The following GTF2I variants were observed in gnomAD, a reference collection of about 807,000 sequenced individuals.
GTF2I encodes the protein general transcription factor IIi, also known as general transcription factor II-I.
A neutral mutation model predicts 67.6 loss-of-function variants in GTF2I; 12 were observed. The ratio of observed to expected loss-of-function variants is 0.18; its 90% CI spans 0.11 to 0.29. The LOEUF (loss-of-function observed/expected upper bound fraction) is 0.29. Ranked by LOEUF, GTF2I falls within the 10% of genes least tolerant of loss-of-function variation. The pLI, the probability that GTF2I is intolerant of heterozygous loss-of-function variation, is 1.00. For missense variants in GTF2I, 271 were observed against 580.1 expected (o/e 0.47, Z 5.47); for synonymous variants, 149 against 197.0 (o/e 0.76, Z 2.04).
At chr7:74,661,239 G>C (rs1057254695) in intron 1 of GTF2I, among the ~76,000 whole-genome samples, 13 of 152,196 alleles carry the variant, frequency 8.5e-5, no homozygotes, top group African/African-American at 2.7e-4. Flanking sequence ...GCAGGTCTGG[G>C]GAGTTGCCCC....
chr7:74,713,377 A>C (rs1554402957), intron 9 of GTF2I, among the ~76,000 whole-genome samples: 1 of 152,204 alleles, frequency 6.6e-6, no homozygotes, highest in African/African-American at 2.4e-5. Flanking sequence ...GTCATGTGGG[A>C]GATTTTAACC....
At chr7:74,717,411 A>G (rs1584261247) in intron 11 of GTF2I, among the ~76,000 whole-genome samples, 1 of 152,184 alleles carries the variant, frequency 6.6e-6, no homozygotes, top group Non-Finnish European at 1.5e-5. Flanking sequence ...TGTACTCACA[A>G]CTACTCCATA....
chr7:74,673,126 C>T (rs587673845), intron 1 of GTF2I, among the ~76,000 whole-genome samples: 161 of 152,258 alleles, frequency 1.1e-3, no homozygotes, highest in African/African-American at 3.8e-3. Flanking sequence ...TCCCAAAGTG[C>T]TGGGATTACA....
chr7:74,697,845 T>G (rs1007836294), intron 3 of GTF2I, among the ~76,000 whole-genome samples: 14 of 152,194 alleles, frequency 9.2e-5, no homozygotes, highest in Non-Finnish European at 1.9e-4. Flanking sequence ...CTTGGCTCAC[T>G]GCACCCTCCA....
At chr7:74,696,415 C>T (rs1554398367) in intron 3 of GTF2I, among the ~76,000 whole-genome samples, 1 of 152,104 alleles carries the variant, frequency 6.6e-6, no homozygotes, top group Non-Finnish European at 1.5e-5. Flanking sequence ...CAACTTCTGC[C>T]TCCCAGGTTC....
At position 74,700,628 on chromosome 7, in the gene GTF2I, C is replaced by G. The variant is rs782702015; in HGVS notation, c.580C>G (p.His194Asp). ...IKRPFLEPKK[H>D]VGGRVMVTDA... ...CAGACCTTTTTTAGAGCCAAAGAAG[C>G]ATGTAGGTAAGTAAGTGCTTTGCTT... Residue 194 changes from histidine to aspartate, a missense_variant, in exon 6 of 35, where the codon CAT becomes GAT. Coordinates refer to ENST00000573035, the MANE Select transcript of GTF2I (RefSeq NM_032999.4). 1.9e-6 allele frequency: 3 copies of G among 1,613,962 alleles called. 1 individual carries two copies. In the South Asian group the frequency reaches 3.3e-5, roughly 18 times the overall value.
At chr7:74,686,824 T>G (rs1787781308) in intron 1 of GTF2I, among the ~76,000 whole-genome samples, 2 of 152,128 alleles carry the variant, frequency 1.3e-5, no homozygotes, top group Non-Finnish European at 2.9e-5. Flanking sequence ...CAGGGACCCT[T>G]GTGTTGGGAA....
At chr7:74,702,661 T>C (rs1265897872) in intron 6 of GTF2I, among the ~76,000 whole-genome samples, 1 of 152,156 alleles carries the variant, frequency 6.6e-6, no homozygotes, top group Non-Finnish European at 1.5e-5. Context: ...AGATGTGAAG[T>C]GGTATCTAAT....
At chr7:74,731,039 T>C (rs1554406608) in intron 14 of GTF2I, among the ~76,000 whole-genome samples, 1 of 149,960 alleles carries the variant, frequency 6.7e-6, no homozygotes, top group Non-Finnish European at 1.5e-5. Flanking sequence ...ACTGAGTTGA[T>C]GCTAGATTTC....
At chr7:74,686,054 A>C (rs1174876903) in intron 1 of GTF2I, among the ~76,000 whole-genome samples, 2 of 152,206 alleles carry the variant, frequency 1.3e-5, no homozygotes, top group Non-Finnish European at 2.9e-5. Context: ...ACTTGGTCGC[A>C]GTCAGTCTGG....
In GTF2I at chr7:74,658,006, G is replaced by GCCCACACTCGCCT. The variant is rs1554384441; in HGVS notation, c.-64_-52dup. The GCCCACACTCGCCT allele has an allele frequency of 1.3e-5, 2 of 151,606 alleles. No individual in the cohort carries two copies. 9.4% of individuals were successfully genotyped at this position (151,606 alleles called of 1,614,324 possible). On this transcript the variant is annotated 5_prime_UTR_variant, in exon 1 of 35. Transcript: ENST00000573035. ...CCGCGGCGGCCGCAGCCCGCGCGCG[G>GCCCACACTCGCCT]CCCACACTCGCCTCCCCTCGGCACC...
At chr7:74,723,274 C>T (rs587604818) in intron 12 of GTF2I, among the ~76,000 whole-genome samples, 57 of 151,484 alleles carry the variant, frequency 3.8e-4, no homozygotes, top group African/African-American at 9.0e-4. Context: ...TATAGGCGCC[C>T]GCCACCATGC....
intron 6 of GTF2I, among the ~76,000 whole-genome samples, chr7:74,701,507 G>A (rs888576993): frequency 6.6e-6 from 1 of 151,572 alleles, no homozygotes; most frequent in African/African-American, 2.4e-5. Flanking sequence ...GTCTTGCTCT[G>A]TCGCCAAGGC....
rs587624334 is a variant in GTF2I at position 74,700,101 on chromosome 7, G to A, written c.374-146G>A. ...TTTAGACCTTCTGCTGACATGGGGA[G>A]ATAGAATGCTGTAGTATTAATTAAT... On this transcript the variant is annotated intron_variant, in intron 4 of 34. Coordinates refer to ENST00000573035, the MANE Select transcript of GTF2I (RefSeq NM_032999.4). 21 of 796,806 alleles carry A rather than the reference G, an allele frequency of 2.6e-5. No homozygotes were observed. In the African/African-American group the frequency reaches 3.7e-4, roughly 14 times the overall value. 49.4% of individuals were successfully genotyped at this position (796,806 alleles called of 1,614,324 possible).
chr7:74,693,883 A>G lies in GTF2I; in HGVS notation c.238+2772A>G, dbSNP rs587689522. 9.1e-4 allele frequency among the ~76,000 whole-genome samples: 138 copies of G among 152,266 alleles called. 2 individuals carry two copies. Among genetic ancestry groups the G allele is most frequent in the African/African-American group, 3.2e-3 (131 of 41,564 alleles). ...GGAAATTAGGCCAATTAATAGACCT[A>G]TAGTGGCCTCTGAGTGTTCAAGTGA... On this transcript the variant is annotated intron_variant, in intron 3 of 34. Transcript: ENST00000573035.
rs587676076 is a variant in GTF2I, at chr7:74,710,440, C to T, written c.686-592C>T. On this transcript the variant is annotated intron_variant, in intron 8 of 34. Transcript: ENST00000573035. ...TTTTAATAACATCGATTGCTTTTGC[C>T]TATTTTGACCTTCATATGAGTGGAA... 3.0e-4 allele frequency among the ~76,000 whole-genome samples: 46 copies of T among 152,216 alleles called. No individual in the cohort carries two copies. The South Asian group carries it at 5.6e-3, about 19-fold the overall frequency.
Position 74,700,617 on chromosome 7 carries a change from A to G in GTF2I, c.569A>G (p.Glu190Gly), listed in dbSNP as rs1789598365. ...ISFIIKRPFLEPKKHVGGRVM... is the reference protein window; with the variant it reads ...ISFIIKRPFLGPKKHVGGRVM... The stretch of plus-strand genomic sequence containing the variant: ...TTGTTTTAATGCAGACCTTTTTTAG[A>G]GCCAAAGAAGCATGTAGGTAAGTAA... Residue 190 changes from glutamate (E) to glycine (G), a missense_variant, in exon 6 of 35, where the codon GAG (glutamate) becomes GGG (glycine). Around this residue, in one of 9 missense-constraint regions of GTF2I, gnomAD observed 38 missense variants for 87.8 expected, o/e 0.43. Coordinates refer to ENST00000573035, the MANE Select transcript of GTF2I (RefSeq NM_032999.4). 1 of 1,613,948 alleles carries G rather than the reference A, an allele frequency of 6.2e-7. No individual in the cohort carries two copies. The highest frequency in any genetic ancestry group is 1.7e-5 in the Admixed American group (1 of 59,992).
rs200287710 is a variant in GTF2I, at chr7:74,677,005, GC to G, written c.-5-12117del. Among the ~76,000 whole-genome samples the G allele has an allele frequency of 4.3e-3, 649 of 152,240 alleles. 9 individuals are homozygous for G. The highest frequency in any genetic ancestry group is 0.015 in the African/African-American group (616 of 41,550). On this transcript the variant is annotated intron_variant, in intron 1 of 34. Transcript: ENST00000573035. ...ACCCAAGAGGTGGAGGTTGCAGTGA[GC>G]CGAGATTACGCCCCTGCACTCCAGC...
At chr7:74,684,311 T>C (rs1554394863) in intron 1 of GTF2I, among the ~76,000 whole-genome samples, 1 of 152,278 alleles carries the variant, frequency 6.6e-6, no homozygotes, top group African/African-American at 2.4e-5. Context: ...TTTCCATTTA[T>C]GGACGAGGCA....
Sources: allele counts gnomAD v4.1 joint callset (sites outside exome capture counted in the v4.1 genomes callset), GRCh38; gene constraint gnomAD v4.1.1; regional missense constraint gnomAD v4.1.1; transcripts MANE v1.5; gene names NCBI Gene and HGNC (gene_info 2026-07-23, HGNC 2026-07-21).